SGCZ: variants seen among roughly 807,000 people sequenced by gnomAD.
SGCZ encodes the protein zeta-sarcoglycan.
SGCZ carries 40 observed loss-of-function variants against 41.3 expected under a neutral mutation model. That is an observed-to-expected ratio of 0.97 (90% CI 0.75 to 1.26). The LOEUF (loss-of-function observed/expected upper bound fraction) is 1.26, where lower values mean the gene tolerates loss of function less well. SGCZ is among the 50% of genes most tolerant of loss of function. The pLI, the probability that SGCZ is intolerant of heterozygous loss-of-function variation, is 0.00. For missense variants in SGCZ, 552 were observed against 369.8 expected (o/e 1.49, Z -4.04); for synonymous variants, 206 against 137.5 (o/e 1.50, Z -3.49).
chr8:14,397,822 CA>C (rs1178910818), intron 2 of SGCZ, among the ~76,000 whole-genome samples: 1 of 152,132 alleles, frequency 6.6e-6, no homozygotes, highest in Non-Finnish European at 1.5e-5. Flanking sequence ...AGGTCTTCCA[CA>C]AGGTGCTTCG....
rs937113466 is a variant in SGCZ, at chr8:14,825,859, G to A, written c.40-270933C>T. 3.9e-5 allele frequency among the ~76,000 whole-genome samples: 6 copies of A among 152,210 alleles called. No individual in the cohort carries two copies. In the East Asian group the frequency reaches 9.6e-4, roughly 24 times the overall value. On this transcript the variant is annotated intron_variant, in intron 1 of 7. Coordinates refer to ENST00000382080, the MANE Select transcript of SGCZ (RefSeq NM_139167.4). ...AACATGATATTCTTCAGACTCATCT[G>A]TATTACCACAAACTGCAGGATTTTC...
At chr8:14,922,946 T>C (rs1441200096) in intron 1 of SGCZ, among the ~76,000 whole-genome samples, 1 of 152,366 alleles carries the variant, frequency 6.6e-6, no homozygotes, top group East Asian at 1.9e-4. Flanking sequence ...CATAAAGTTT[T>C]CTCATCAGTT....
At chr8:14,957,440 G>C (rs1800826304) in intron 1 of SGCZ, among the ~76,000 whole-genome samples, 1 of 151,700 alleles carries the variant, frequency 6.6e-6, no homozygotes, top group African/African-American at 2.4e-5. Context: ...CTTTCCATTC[G>C]TTGTCACTTG....
intron 2 of SGCZ, among the ~76,000 whole-genome samples, chr8:14,406,436 G>C (rs1290697778): frequency 1.3e-5 from 2 of 152,084 alleles, no homozygotes; most frequent in East Asian, 3.9e-4. Flanking sequence ...TCGTGAGAAG[G>C]GGAATATCAT....
intron 2 of SGCZ, among the ~76,000 whole-genome samples, chr8:14,450,654 G>A (rs750691901): frequency 3.3e-5 from 5 of 152,266 alleles, no homozygotes; most frequent in Non-Finnish European, 7.4e-5. Context: ...GTGCCAGTCA[G>A]TAAAACCATA....
At chr8:14,114,282 C>A (rs549006963) in intron 5 of SGCZ, among the ~76,000 whole-genome samples, 2 of 151,968 alleles carry the variant, frequency 1.3e-5, no homozygotes, top group Non-Finnish European at 2.9e-5. Context: ...TTTCTGTTTC[C>A]TAGTGTATCT....
intron 1 of SGCZ, among the ~76,000 whole-genome samples, chr8:15,067,043 G>A (rs977004582): frequency 9.9e-5 from 15 of 152,056 alleles, no homozygotes; most frequent in East Asian, 3.8e-4. Flanking sequence ...ATATGAATAC[G>A]CGGTCATACA....
At chr8:14,702,805 GTAGTTAGGTAGATAGA>G (rs1178610200) in intron 1 of SGCZ, among the ~76,000 whole-genome samples, 1 of 135,166 alleles carries the variant, frequency 7.4e-6, no homozygotes, top group African/African-American at 2.7e-5. Flanking sequence ...AGACAGGTAG[GTAGTTAGGTAGATAGA>G]TAGATAGATA....
At chr8:14,155,457 T>C (rs905862551) in intron 5 of SGCZ, among the ~76,000 whole-genome samples, 1 of 152,086 alleles carries the variant, frequency 6.6e-6, no homozygotes, top group Admixed American at 6.6e-5. Flanking sequence ...TTTAAAAATG[T>C]GCTTGGAATA....
intron 1 of SGCZ, among the ~76,000 whole-genome samples, chr8:15,150,309 A>G (rs1413424841): frequency 6.6e-6 from 1 of 152,242 alleles, no homozygotes. Context: ...GCTATTCTGA[A>G]TATATAAAAT....
chr8:14,806,930 T>C (rs4419809), intron 1 of SGCZ, among the ~76,000 whole-genome samples: 35,091 of 149,030 alleles, frequency 0.24, 6,526 homozygotes, highest in African/African-American at 0.53. Flanking sequence ...GTTCAATATA[T>C]GCAAATCAAT....
chr8:14,403,305 G>C (rs1400938218), intron 2 of SGCZ, among the ~76,000 whole-genome samples: 1 of 150,120 alleles, frequency 6.7e-6, no homozygotes, highest in Non-Finnish European at 1.5e-5. Context: ...TCACTGCCTG[G>C]GCCAGAACTT....
intron 1 of SGCZ, among the ~76,000 whole-genome samples, chr8:14,722,848 A>C (rs1203100626): frequency 6.6e-6 from 1 of 152,202 alleles, no homozygotes; most frequent in Non-Finnish European, 1.5e-5. Flanking sequence ...AAGTATGTAC[A>C]CAGGGATTTA....
chr8:14,396,647 T>C (rs1308808557), intron 2 of SGCZ, among the ~76,000 whole-genome samples: 1 of 152,114 alleles, frequency 6.6e-6, no homozygotes, highest in Non-Finnish European at 1.5e-5. Context: ...ACCTGGTAGC[T>C]AATATAACGA....
chr8:14,353,255 A>C (rs991150629), intron 2 of SGCZ, among the ~76,000 whole-genome samples: 3 of 152,092 alleles, frequency 2.0e-5, no homozygotes, highest in African/African-American at 7.2e-5. Context: ...AGTAGATAGA[A>C]ACTAACACAA....
At chr8:14,790,304 T>G (rs534051183) in intron 1 of SGCZ, among the ~76,000 whole-genome samples, 1 of 152,286 alleles carries the variant, frequency 6.6e-6, no homozygotes, top group Non-Finnish European at 1.5e-5. Flanking sequence ...AAATTAAAAT[T>G]GCAAAAACAG....
At chr8:15,162,312 G>A (rs1799532965) in intron 1 of SGCZ, among the ~76,000 whole-genome samples, 1 of 152,122 alleles carries the variant, frequency 6.6e-6, no homozygotes, top group Admixed American at 6.5e-5. Context: ...ACGGCCAAAA[G>A]TTCTGTGGCC....
chr8:15,156,009 G>A (rs910998719), intron 1 of SGCZ, among the ~76,000 whole-genome samples: 18 of 139,694 alleles, frequency 1.3e-4, no homozygotes, highest in Admixed American at 5.3e-4. Context: ...AGTGAGCCAA[G>A]ATCGTGCCAT....
At chr8:15,124,997 A>T (rs1190239783) in intron 1 of SGCZ, among the ~76,000 whole-genome samples, 1 of 152,174 alleles carries the variant, frequency 6.6e-6, no homozygotes, top group Non-Finnish European at 1.5e-5. Flanking sequence ...CTTAAAGGTT[A>T]TATATAGTAA....
Sources: gnomAD v4.1 joint callset for allele counts (sites outside exome capture counted in the v4.1 genomes callset) on GRCh38, gnomAD v4.1.1 for gene constraint, MANE v1.5 for transcripts, NCBI Gene and HGNC (gene_info 2026-07-23, HGNC 2026-07-21) for gene names.